SLC25A21: variants seen among roughly 807,000 people sequenced by gnomAD.
SLC25A21 encodes solute carrier family 25 member 21.
Under a neutral mutation model 43.8 loss-of-function variants are expected in SLC25A21, and 47 were observed. The observed-to-expected ratio is 1.07, with a 90% confidence interval of 0.85 to 1.37. The LOEUF (loss-of-function observed/expected upper bound fraction) is 1.37, where lower values mean the gene tolerates loss of function less well. Among genes scored for constraint, SLC25A21 ranks in the 40% most tolerant of loss-of-function variants. SLC25A21 has a pLI of 0.00. For missense variants in SLC25A21, 352 were observed against 350.2 expected, an observed-to-expected ratio of 1.00 and a Z score of -0.04; for synonymous variants, 131 against 121.3, an observed-to-expected ratio of 1.08 and a Z score of -0.52.
At chr14:37,129,665 AAC>A (rs1268435446) in intron 1 of SLC25A21, among the ~76,000 whole-genome samples, 3 of 148,490 alleles carry the variant, frequency 2.0e-5, no homozygotes, top group African/African-American at 7.8e-5. Context: ...ACCATTAAGT[AAC>A]AGTTATTAAA....
chr14:36,871,507 T>C (rs886174506), intron 2 of SLC25A21, among the ~76,000 whole-genome samples: 4 of 152,232 alleles, frequency 2.6e-5, no homozygotes, highest in African/African-American at 9.6e-5. Flanking sequence ...TGCTGAGATT[T>C]AAAGTTTGTT....
chr14:36,818,008 C>T (rs1035546223), intron 2 of SLC25A21, among the ~76,000 whole-genome samples: 5 of 152,182 alleles, frequency 3.3e-5, no homozygotes, highest in African/African-American at 7.2e-5. Context: ...TTATTATACA[C>T]TCTACTATTT....
At chr14:37,132,889 C>T (rs1218497031) in intron 1 of SLC25A21, among the ~76,000 whole-genome samples, 1 of 151,972 alleles carries the variant, frequency 6.6e-6, no homozygotes, top group Non-Finnish European at 1.5e-5. Context: ...CACCACCATA[C>T]CAAGCTAATT....
intron 1 of SLC25A21, among the ~76,000 whole-genome samples, chr14:36,932,069 T>C (rs906493042): frequency 6.6e-6 from 1 of 152,142 alleles, no homozygotes. Context: ...TTAATCTTTC[T>C]GTGCTTCAGT....
intron 2 of SLC25A21, among the ~76,000 whole-genome samples, chr14:36,865,745 G>C (rs891197706): frequency 3.3e-5 from 5 of 152,110 alleles, no homozygotes; most frequent in African/African-American, 1.2e-4. Context: ...ATATTGGTGG[G>C]ACCCACCTCT....
At chr14:37,011,669 T>TTA (rs1463666683) in intron 1 of SLC25A21, among the ~76,000 whole-genome samples, 1 of 152,130 alleles carries the variant, frequency 6.6e-6, no homozygotes, top group Non-Finnish European at 1.5e-5. Context: ...GCTAATACGT[T>TTA]TATAGAGTGT....
rs1320704304 is a variant in SLC25A21, at chr14:36,776,237, TC to T, written c.203+37680del. Among the ~76,000 whole-genome samples, 136 of 58,544 alleles carry T rather than the reference TC, an allele frequency of 2.3e-3. 6 individuals are homozygous for T. The highest frequency in any genetic ancestry group is 7.8e-3 in the African/African-American group (127 of 16,384). The allele number at this position is 58,544 out of a possible 152,430, so 38.4% of individuals were successfully genotyped here. On this transcript the variant is annotated intron_variant, in intron 3 of 9. Coordinates refer to ENST00000331299, the MANE Select transcript of SLC25A21 (RefSeq NM_030631.4). ...TCTTTTTTCTTTTTCTTTCTTTCTT[TC>T]TTTTTTTTTTTTTTTTGAGATGGAG... is the stretch of plus-strand genomic sequence containing the variant.
chr14:37,015,014 G>A (rs958562458), intron 1 of SLC25A21, among the ~76,000 whole-genome samples: 2 of 151,934 alleles, frequency 1.3e-5, no homozygotes, highest in African/African-American at 4.8e-5. Context: ...TCCATTTATA[G>A]GGCACAGCAG....
chr14:36,914,369 A>G (rs951061132), intron 1 of SLC25A21, among the ~76,000 whole-genome samples: 1 of 152,204 alleles, frequency 6.6e-6, no homozygotes, highest in African/African-American at 2.4e-5. Flanking sequence ...GCTGAAATGC[A>G]GCAGTTGATT....
chr14:36,848,137 G>A (rs2138510475), intron 2 of SLC25A21, among the ~76,000 whole-genome samples: 1 of 152,230 alleles, frequency 6.6e-6, no homozygotes, highest in East Asian at 1.9e-4. Context: ...ATAAGGTGCT[G>A]CTAAGTATTA....
rs1447774586 is a variant in SLC25A21 at position 37,162,428 on chromosome 14, T to A, written c.70+9853A>T. Among the ~76,000 whole-genome samples, 5 of 55,538 alleles carry A rather than the reference T, an allele frequency of 9.0e-5. No individual in the cohort carries two copies. The East Asian group carries it at 2.4e-3, about 26-fold the overall frequency. The allele number at this position is 55,538 out of a possible 152,430, so 36.4% of individuals were successfully genotyped here. On this transcript the variant is annotated intron_variant, in intron 1 of 9. Coordinates refer to ENST00000331299, the MANE Select transcript of SLC25A21 (RefSeq NM_030631.4). ...CTAATATCCAGAATCTACAATGAAC[T>A]CAAACAAATTTACAAGAAAAAAACA... is the stretch of plus-strand genomic sequence containing the variant.
intron 1 of SLC25A21, among the ~76,000 whole-genome samples, chr14:37,012,319 T>C (rs1314188550): frequency 1.3e-5 from 2 of 152,232 alleles, no homozygotes; most frequent in Non-Finnish European, 2.9e-5. Context: ...TTTATCTTGA[T>C]GCATCAAATG....
chr14:37,074,613 C>T (rs555900025), intron 1 of SLC25A21, among the ~76,000 whole-genome samples: 2 of 152,246 alleles, frequency 1.3e-5, no homozygotes, highest in East Asian at 1.9e-4. Flanking sequence ...GGATGGATCA[C>T]CTGAGGTCAG....
intron 1 of SLC25A21, among the ~76,000 whole-genome samples, chr14:36,940,301 A>C (rs747453289): frequency 6.6e-6 from 1 of 152,148 alleles, no homozygotes; most frequent in African/African-American, 2.4e-5. Context: ...AGGAAATGAC[A>C]CTATGTTTAT....
At chr14:37,109,615 G>T (rs1426538918) in intron 1 of SLC25A21, among the ~76,000 whole-genome samples, 1 of 152,138 alleles carries the variant, frequency 6.6e-6, no homozygotes, top group Non-Finnish European at 1.5e-5. Context: ...ATTAATGAAT[G>T]ATGTTGTGCA....
intron 3 of SLC25A21, among the ~76,000 whole-genome samples, chr14:36,784,110 T>C (rs1251951204): frequency 6.6e-6 from 1 of 152,226 alleles, no homozygotes; most frequent in African/African-American, 2.4e-5. Flanking sequence ...TGATGAAAGT[T>C]ATTAGTTCTA....
At chr14:36,939,263 G>A (rs944356785) in intron 1 of SLC25A21, among the ~76,000 whole-genome samples, 1 of 152,032 alleles carries the variant, frequency 6.6e-6, no homozygotes, top group Non-Finnish European at 1.5e-5. Flanking sequence ...AGTCGGGTTG[G>A]GGGAGCAGTT....
chr14:37,127,764 T>G (rs961670162), intron 1 of SLC25A21, among the ~76,000 whole-genome samples: 1 of 152,190 alleles, frequency 6.6e-6, no homozygotes. Flanking sequence ...AAACTAAAGA[T>G]CTGGTCAGGA....
chr14:37,043,220 A>T (rs1482055588), intron 1 of SLC25A21, among the ~76,000 whole-genome samples: 2 of 152,168 alleles, frequency 1.3e-5, no homozygotes, highest in Admixed American at 6.5e-5. Flanking sequence ...ATACAAATGT[A>T]CAGCTAACTA....
Sources: gnomAD v4.1 joint callset for allele counts (sites outside exome capture counted in the v4.1 genomes callset) on GRCh38, gnomAD v4.1.1 for gene constraint, MANE v1.5 for transcripts, NCBI Gene and HGNC (gene_info 2026-07-23, HGNC 2026-07-21) for gene names.